Variants in MAPT observed in about 807,000 individuals in gnomAD.
MAPT encodes microtubule associated protein tau.
A neutral mutation model predicts 67.9 loss-of-function variants in MAPT; 34 were observed. The observed-to-expected ratio is 0.50, with a 90% CI of 0.38 to 0.67. The LOEUF (loss-of-function observed/expected upper bound fraction) is 0.67. MAPT is among the 30% of genes least tolerant of loss of function. The pLI, the probability that MAPT is intolerant of heterozygous loss-of-function variation, is 0.00. For synonymous variants in MAPT, 456 were observed against 464.5 expected (o/e 0.98, Z 0.23); for missense variants, 881 against 1,115.2 (o/e 0.79, Z 2.99).
intron 1 of MAPT, among the ~76,000 whole-genome samples, chr17:45,902,446 G>A (rs2063683823): frequency 6.6e-6 from 1 of 152,210 alleles, no homozygotes; most frequent in African/African-American, 2.4e-5. Context: ...GGGCACAGAT[G>A]ACCTTTAGTA....
intron 9 of MAPT, chr17:45,999,519 T>C: frequency 6.2e-7 from 1 of 1,613,928 alleles, no homozygotes; most frequent in Non-Finnish European, 8.5e-7. Context: ...CTTACAGCTC[T>C]GAAGAGAGCA....
intron 4 of MAPT, 123 bp downstream of exon 4, chr17:45,978,563 A>G: frequency 3.9e-6 from 3 of 765,442 alleles, no homozygotes; most frequent in Non-Finnish European, 6.4e-6. Flanking sequence ...GATTTTAGGG[A>G]GTTGGTTCTT....
intron 1 of MAPT, among the ~76,000 whole-genome samples, chr17:45,909,258 G>A (rs576503996): frequency 2.0e-5 from 3 of 151,940 alleles, no homozygotes; most frequent in African/African-American, 4.8e-5. Context: ...CAGAGAGATC[G>A]ACACCTGGAC....
chr17:45,964,187 CTTTGTTTTGTTTTTT>C (rs1319273723), intron 2 of MAPT, among the ~76,000 whole-genome samples: 2 of 146,228 alleles, frequency 1.4e-5, no homozygotes, highest in African/African-American at 2.8e-5. Flanking sequence ...CTGTTTTCTC[CTTTGTTTTGTTTTTT>C]TTTGTTTTGT....
intron 4 of MAPT, chr17:45,979,236 T>G (rs1265356056): frequency 6.6e-6 from 1 of 152,244 alleles, no homozygotes; most frequent in East Asian, 1.9e-4. Context: ...AGAAAAATCC[T>G]AGAGATTCCT....
In MAPT at chr17:45,915,314, CTGTG is replaced by C. The variant is rs948801199; in HGVS notation, c.-18+20634_-18+20637del. On this transcript the variant is annotated intron_variant, in intron 1 of 12. Coordinates refer to ENST00000262410, the MANE Select transcript of MAPT (RefSeq NM_001377265.1). The surrounding 1 kb of genome is among the most constrained non-coding windows in gnomAD (Gnocchi z 4.4). The stretch of plus-strand genomic sequence containing the variant: ...GTGTGCTGTGTGAGCGTGTGTGAGT[CTGTG>C]TGTGTAGTGTGTGTGTGAAGTATGT... Among the ~76,000 whole-genome samples the C allele has an allele frequency of 1.5e-4, 21 of 140,986 alleles. No individual in the cohort carries two copies. Among genetic ancestry groups the C allele is most frequent in the African/African-American group, 4.8e-4 (18 of 37,420 alleles). The allele number at this position is 140,986 out of a possible 152,430, so 92.5% of individuals were successfully genotyped here.
Position 45,956,548 on chromosome 17 carries a change from TTATATATATATATA to T in MAPT, c.-17-5733_-17-5720del, listed in dbSNP as rs57223421. Among the ~76,000 whole-genome samples, 91 of 95,252 alleles carry T rather than the reference TTATATATATATATA, an allele frequency of 9.6e-4. 2 individuals carry two copies. Among genetic ancestry groups the T allele is most frequent in the African/African-American group, 3.5e-3 (88 of 25,420 alleles). 62.5% of individuals were successfully genotyped at this position (95,252 alleles called of 152,430 possible). A position where few individuals can be genotyped will look rare whatever the true frequency, so the allele number is the denominator to read the frequency against. ...TCATCTGGAACTCTAGCAGGTTCTT[TTATATATATATATA>T]TATATATATATATATATATATATAT... On this transcript the variant is annotated intron_variant, in intron 1 of 12. Transcript: ENST00000262410.
At chr17:45,927,292 AG>A (rs750869376) in intron 1 of MAPT, among the ~76,000 whole-genome samples, 18 of 152,124 alleles carry the variant, frequency 1.2e-4, no homozygotes, top group Non-Finnish European at 2.5e-4. Context: ...ATGTTGGGGA[AG>A]GGGGTAGTCG....
In MAPT at chr17:45,991,458, A is replaced by T; in HGVS notation, c.1606-2A>T. 4 of 1,614,164 alleles carry T rather than the reference A, an allele frequency of 2.5e-6. No homozygotes were observed. Among genetic ancestry groups the T allele is most frequent in the Non-Finnish European group, 3.4e-6 (4 of 1,180,034 alleles). On this transcript the variant is annotated splice_acceptor_variant, in intron 7 of 12. Coordinates refer to ENST00000262410, the MANE Select transcript of MAPT (RefSeq NM_001377265.1). LOFTEE classifies it high-confidence loss of function. The stretch of plus-strand genomic sequence containing the variant: ...AACCCCTCTATCATGTTTCATTTAC[A>T]GGGGGCTGATGGTAAAACGAAGATC...
At chr17:45,989,431 A>C (rs1314367492) in intron 6 of MAPT, among the ~76,000 whole-genome samples, 1 of 152,136 alleles carries the variant, frequency 6.6e-6, no homozygotes, top group Non-Finnish European at 1.5e-5. Flanking sequence ...CGGGTGGATC[A>C]CGAGGTCAGG....
At chr17:45,960,105 G>A (rs751770673) in intron 1 of MAPT, among the ~76,000 whole-genome samples, 8 of 152,178 alleles carry the variant, frequency 5.3e-5, no homozygotes, top group Admixed American at 2.6e-4. Context: ...GTAAATCCGC[G>A]GATTCATGAA....
In MAPT at chr17:45,983,186, A is replaced by G; in HGVS notation, c.607A>G (p.Ser203Gly). ...TGCGTATCTCCACACAGAGCCTGAA[A>G]GTGGTAAGGTGGTCCAGGAAGGCTT... The part of the protein sequence containing the change: ...TTAYLHTEPE[S>G]GKVVQEGFLR... The change falls in exon 5 of 13, where the codon AGT (serine) becomes GGT (glycine). Residue 203 changes from serine to glycine, a missense_variant. Coordinates refer to ENST00000262410, the MANE Select transcript of MAPT (RefSeq NM_001377265.1). 2 of 1,608,814 alleles carry G rather than the reference A, an allele frequency of 1.2e-6. No homozygotes were observed. The highest frequency in any genetic ancestry group is 1.7e-6 in the Non-Finnish European group (2 of 1,177,978).
chr17:46,014,582 C>T (rs1430542100), intron 11 of MAPT, among the ~76,000 whole-genome samples: 1 of 152,142 alleles, frequency 6.6e-6, no homozygotes, highest in Non-Finnish European at 1.5e-5. Flanking sequence ...AGAAAGAAAG[C>T]ACATATTCTC....
At chr17:46,005,701 C>T (rs2075365624) in intron 9 of MAPT, among the ~76,000 whole-genome samples, 2 of 152,212 alleles carry the variant, frequency 1.3e-5, no homozygotes, top group Admixed American at 6.5e-5. Flanking sequence ...GACAGTGACT[C>T]CTTGAGAAGC....
chr17:45,982,962 C>A lies in MAPT; in HGVS notation c.383C>A (p.Ala128Asp). The A allele has an allele frequency of 1.4e-6, 2 of 1,432,954 alleles. No individual in the cohort carries two copies. Among genetic ancestry groups the A allele is most frequent in the Non-Finnish European group, 9.1e-7 (1 of 1,097,354 alleles). 88.8% of individuals were successfully genotyped at this position (1,432,954 alleles called of 1,614,324 possible). A position where few individuals can be genotyped will look rare whatever the true frequency, so the allele number is the denominator to read the frequency against. The change falls in exon 5 of 13, where the codon GCC becomes GAC. Residue 128 changes from alanine to aspartate, a missense_variant. Coordinates refer to ENST00000262410, the MANE Select transcript of MAPT (RefSeq NM_001377265.1). ...AHVQPGPCGEASGVSGPCLGE... is the reference protein window; with the variant it reads ...AHVQPGPCGEDSGVSGPCLGE... Reference sequence around the variant, plus strand: ...GTCCAGCCTGGACCCTGCGGAGAGGCCTCTGGGGTCTCTGGGCCGTGCCTC... The same window carrying A: ...GTCCAGCCTGGACCCTGCGGAGAGGACTCTGGGGTCTCTGGGCCGTGCCTC...
chr17:45,909,129 A>C (rs2064555329), intron 1 of MAPT, among the ~76,000 whole-genome samples: 1 of 152,158 alleles, frequency 6.6e-6, no homozygotes, highest in African/African-American at 2.4e-5. Flanking sequence ...AGCTGGGCAG[A>C]GGGCATCTCT....
intron 1 of MAPT, among the ~76,000 whole-genome samples, chr17:45,960,386 A>C (rs2070254306): frequency 6.6e-6 from 1 of 152,268 alleles, no homozygotes; most frequent in Non-Finnish European, 1.5e-5. Context: ...ACTCCCGTAC[A>C]GCCCCCATAG....
chr17:46,011,531 G>T (rs760082456), intron 10 of MAPT, among the ~76,000 whole-genome samples: 111 of 152,264 alleles, frequency 7.3e-4, no homozygotes, highest in Non-Finnish European at 1.1e-3. Context: ...TGACCCACCC[G>T]ATAAGCTGAG....
chr17:45,907,713 T>C (rs2144052077), intron 1 of MAPT: 1 of 152,382 alleles, frequency 6.6e-6, no homozygotes. Context: ...TTTGCCCTAC[T>C]TCAGACCAAC....
Sources: gnomAD v4.1 joint callset for allele counts (sites outside exome capture counted in the v4.1 genomes callset) on GRCh38, gnomAD v4.1.1 for gene constraint, Gnocchi (gnomAD v3.1) non-coding constraint, MANE v1.5 for transcripts, NCBI Gene and HGNC (gene_info 2026-07-23, HGNC 2026-07-21) for gene names.